The following FRMD4A variants were observed in gnomAD, a reference collection of about 807,000 sequenced individuals.
The protein encoded by FRMD4A is FERM domain containing 4A, also known as FERM domain-containing protein 4A.
FRMD4A carries 29 observed loss-of-function variants against 129.1 expected under a neutral mutation model. The observed-to-expected ratio is 0.22, with a 90% CI of 0.17 to 0.31. FRMD4A has a LOEUF of 0.31. Among genes scored for constraint, FRMD4A ranks in the 10% least tolerant of loss-of-function variants. The pLI, the probability that FRMD4A is intolerant of heterozygous loss-of-function variation, is 1.00. For synonymous variants in FRMD4A, 634 were observed against 571.6 expected (o/e 1.11, Z -1.56); for missense variants, 1,272 against 1,375.8 (o/e 0.92, Z 1.19).
chr10:13,829,414 C>T (rs1447530598), intron 3 of FRMD4A, among the ~76,000 whole-genome samples: 1 of 151,974 alleles, frequency 6.6e-6, no homozygotes, highest in East Asian at 1.9e-4. Context: ...GGTCCCAGCA[C>T]AGGAGTTTGA....
At position 13,660,417 on chromosome 10, in the gene FRMD4A, G is replaced by C; in HGVS notation, c.1797C>G (p.Asn599Lys). Residue 599 changes from asparagine (N) to lysine (K), a missense_variant, in exon 20 of 25, where the codon AAC becomes AAG. Coordinates refer to ENST00000357447, the MANE Select transcript of FRMD4A (RefSeq NM_018027.5). ...GCTTGATGGGTGACTTGTCATAGTCGTTGCGGTGATAGTGCATCTGTCGGA... is the reference window on the plus strand; with the variant it reads ...GCTTGATGGGTGACTTGTCATAGTCCTTGCGGTGATAGTGCATCTGTCGGA... ...EGLRQMHYHRNDYDKSPIKPK... is the reference protein window; with the variant it reads ...EGLRQMHYHRKDYDKSPIKPK... The C allele has an allele frequency of 6.2e-7, 1 of 1,613,990 alleles. No individual in the cohort carries two copies. Among genetic ancestry groups the C allele is most frequent in the Non-Finnish European group, 8.5e-7 (1 of 1,179,842 alleles).
intron 16 of FRMD4A, among the ~76,000 whole-genome samples, chr10:13,673,756 C>G (rs1481974212): frequency 6.9e-6 from 1 of 145,886 alleles, no homozygotes; most frequent in African/African-American, 2.6e-5. Context: ...TACATAGGGT[C>G]GAGAAAGCAT....
chr10:14,077,309 T>C (rs751796146), intron 2 of FRMD4A, among the ~76,000 whole-genome samples: 7 of 152,228 alleles, frequency 4.6e-5, no homozygotes, highest in Non-Finnish European at 8.8e-5. Flanking sequence ...AGATTTGGAC[T>C]TGGCCAGTGG....
intron 2 of FRMD4A, chr10:14,008,596 A>G: frequency 1.3e-6 from 1 of 749,048 alleles, no homozygotes; most frequent in Non-Finnish European, 1.6e-6. Context: ...CCATCACGTG[A>G]CTCCCAAGCC....
chr10:13,990,055 C>G (rs1398822458), intron 2 of FRMD4A, among the ~76,000 whole-genome samples: 2 of 152,168 alleles, frequency 1.3e-5, no homozygotes, highest in Non-Finnish European at 2.9e-5. Context: ...TACCTGGGTT[C>G]AAACCCTGGA....
chr10:14,171,703 G>A (rs1841485998), intron 2 of FRMD4A, among the ~76,000 whole-genome samples: 1 of 152,206 alleles, frequency 6.6e-6, no homozygotes, highest in Non-Finnish European at 1.5e-5. Flanking sequence ...ATTACATGGT[G>A]TAATGAAATT....
intron 22 of FRMD4A, among the ~76,000 whole-genome samples, chr10:13,656,160 G>A (rs1260230417): frequency 6.6e-6 from 1 of 152,160 alleles, no homozygotes; most frequent in Non-Finnish European, 1.5e-5. Context: ...CTGTTTATTA[G>A]CCAGTCTGCC....
At chr10:14,122,402 C>T (rs547265175) in intron 2 of FRMD4A, among the ~76,000 whole-genome samples, 67 of 152,098 alleles carry the variant, frequency 4.4e-4, no homozygotes, top group Non-Finnish European at 7.6e-4. Context: ...AGTCTAGTCT[C>T]GCATTGCTAT....
In FRMD4A at chr10:13,972,135, G is replaced by T. The variant is rs184113756; in HGVS notation, c.46-113223C>A. The T allele has an allele frequency of 2.2e-3, 2,385 of 1,073,114 alleles. 16 individuals are homozygous for T. Among genetic ancestry groups the T allele is most frequent in the Admixed American group, 0.018 (398 of 22,474 alleles). 66.5% of individuals were successfully genotyped at this position (1,073,114 alleles called of 1,614,324 possible). On this transcript the variant is annotated intron_variant, in intron 2 of 24. Transcript: ENST00000357447. The stretch of plus-strand genomic sequence containing the variant: ...GCACATCCCTGTTTCTCAGTGGACT[G>T]AGGCTGGCTCTTTGGCAGATCAAAC...
intron 2 of FRMD4A, among the ~76,000 whole-genome samples, chr10:14,287,808 C>A (rs527516284): frequency 1.3e-5 from 2 of 152,132 alleles, no homozygotes; most frequent in Non-Finnish European, 2.9e-5. Flanking sequence ...GTTCTTGAGG[C>A]CTTTTTTGCA....
intron 2 of FRMD4A, among the ~76,000 whole-genome samples, chr10:14,242,727 C>T (rs752611780): frequency 1.8e-4 from 27 of 152,198 alleles, no homozygotes; most frequent in Non-Finnish European, 2.9e-4. Flanking sequence ...ACAACTAATA[C>T]TCCAAGACTT....
chr10:13,784,134 C>T (rs1001571566), intron 5 of FRMD4A, among the ~76,000 whole-genome samples: 1 of 151,956 alleles, frequency 6.6e-6, no homozygotes, highest in African/African-American at 2.4e-5. Flanking sequence ...ACTGGGTTCA[C>T]CAAGAAGAGG....
intron 3 of FRMD4A, among the ~76,000 whole-genome samples, chr10:13,820,813 C>T (rs953823485): frequency 1.3e-5 from 2 of 152,218 alleles, no homozygotes; most frequent in African/African-American, 2.4e-5. Flanking sequence ...CCCGGGACCC[C>T]GGGACCTGCT....
intron 2 of FRMD4A, among the ~76,000 whole-genome samples, chr10:13,941,534 G>A (rs1047900026): frequency 6.6e-6 from 1 of 152,160 alleles, no homozygotes; most frequent in Non-Finnish European, 1.5e-5. Flanking sequence ...AAAAAGCAAA[G>A]CAAAACAAAA....
At chr10:13,684,318 C>G in intron 15 of FRMD4A, 1 of 985,084 alleles carries the variant, frequency 1.0e-6, no homozygotes, top group Non-Finnish European at 1.2e-6. Flanking sequence ...TGGAGTTACT[C>G]ACGCCAAGTC....
chr10:13,985,681 C>T (rs1448108680), intron 2 of FRMD4A, among the ~76,000 whole-genome samples: 1 of 152,234 alleles, frequency 6.6e-6, no homozygotes, highest in East Asian at 1.9e-4. Context: ...AGAACAGGTC[C>T]AGGCTGAGGG....
At chr10:14,304,927 T>G (rs1846299149) in intron 2 of FRMD4A, among the ~76,000 whole-genome samples, 1 of 152,230 alleles carries the variant, frequency 6.6e-6, no homozygotes, top group Non-Finnish European at 1.5e-5. Context: ...GGTCTGAATG[T>G]GTGGCAGATG....
chr10:14,284,711 T>C (rs1405271668), intron 2 of FRMD4A, among the ~76,000 whole-genome samples: 2 of 152,136 alleles, frequency 1.3e-5, no homozygotes, highest in African/African-American at 4.8e-5. Flanking sequence ...CTCTCAGCAA[T>C]AAAATATAAG....
At chr10:13,778,851 T>A (rs10752325) in intron 6 of FRMD4A, among the ~76,000 whole-genome samples, 2 of 152,272 alleles carry the variant, frequency 1.3e-5, no homozygotes, top group African/African-American at 4.8e-5. Flanking sequence ...GATAAAAGGC[T>A]GCATCTATCT....
Sources: gnomAD v4.1 joint callset for allele counts (sites outside exome capture counted in the v4.1 genomes callset) on GRCh38, gnomAD v4.1.1 for gene constraint, MANE v1.5 for transcripts, NCBI Gene and HGNC (gene_info 2026-07-23, HGNC 2026-07-21) for gene names.